CCDC201: variants seen among roughly 807,000 people sequenced by gnomAD.
CCDC201 encodes the protein coiled-coil domain-containing protein 201.
chr7:45,872,734 T>A (rs775440965), intron 1 of CCDC201, among the ~76,000 whole-genome samples: 30 of 152,226 alleles, frequency 2.0e-4, no homozygotes, highest in Admixed American at 3.3e-4. Context: ...CTGCAGGCCA[T>A]GTCGTGGGCA....
upstream of CCDC201, among the ~76,000 whole-genome samples, chr7:45,876,696 G>T (rs925402204): frequency 1.3e-5 from 2 of 152,230 alleles, no homozygotes; most frequent in Admixed American, 6.5e-5. Context: ...ATCAAAGTGT[G>T]TTTCCACACA....
intron 1 of CCDC201, among the ~76,000 whole-genome samples, chr7:45,868,474 A>G (rs1786703028): frequency 1.3e-5 from 2 of 152,178 alleles, no homozygotes; most frequent in South Asian, 2.1e-4. Context: ...TGTGAAGGTC[A>G]CCGATGGCCA....
chr7:45,872,567 C>A (rs928959086), intron 1 of CCDC201, among the ~76,000 whole-genome samples: 1 of 152,126 alleles, frequency 6.6e-6, no homozygotes, highest in Non-Finnish European at 1.5e-5. Context: ...GGAGGAGGAC[C>A]AATGCCCAGT....
exon 3 of CCDC201, chr7:45,860,691 CGTCTCCT>C (rs1786588284): frequency 6.6e-6 from 1 of 152,196 alleles, no homozygotes; most frequent in Admixed American, 6.5e-5. Context: ...AGTTTCTCAT[CGTCTCCT>C]GTCCCCAAGA....
At chr7:45,861,506 C>T (rs904098331) in exon 3 of CCDC201, 5 of 152,104 alleles carry the variant, frequency 3.3e-5, no homozygotes, top group Non-Finnish European at 5.9e-5. Flanking sequence ...TAACTGCAGC[C>T]GCTATATCTA....
chr7:45,866,906 A>G (rs1425614844), intron 1 of CCDC201, among the ~76,000 whole-genome samples: 14 of 152,190 alleles, frequency 9.2e-5, no homozygotes. Context: ...GTTGACAAAC[A>G]TTGTAGTATT....
At chr7:45,870,786 A>T (rs1786734780) in intron 1 of CCDC201, among the ~76,000 whole-genome samples, 1 of 152,212 alleles carries the variant, frequency 6.6e-6, no homozygotes, top group Non-Finnish European at 1.5e-5. Context: ...GGAACAAACC[A>T]ACAACAACAA....
upstream of CCDC201, among the ~76,000 whole-genome samples, chr7:45,874,064 T>G (rs1786772922): frequency 6.6e-6 from 1 of 151,954 alleles, no homozygotes; most frequent in South Asian, 2.1e-4. Context: ...GGACTACAGG[T>G]GCATGCCACC....
the CCDC201 span, among the ~76,000 whole-genome samples, chr7:45,881,107 CA>C: frequency 1.3e-5 from 2 of 152,142 alleles, no homozygotes; most frequent in South Asian, 4.1e-4. Flanking sequence ...TCCTGAAGCC[CA>C]TGCATGGTCC....
chr7:45,881,733 A>G, the CCDC201 span, among the ~76,000 whole-genome samples: 7 of 152,116 alleles, frequency 4.6e-5, no homozygotes, highest in African/African-American at 1.7e-4. Context: ...CTGAATGCAA[A>G]TGCTTCGGGA....
chr7:45,863,917 CG>C (rs941390763), intron 2 of CCDC201, among the ~76,000 whole-genome samples: 1 of 152,140 alleles, frequency 6.6e-6, no homozygotes, highest in Non-Finnish European at 1.5e-5. Flanking sequence ...CAGGAGCCAC[CG>C]GGAGGCGTCC....
At chr7:45,861,235 A>G (rs1321257707) in exon 3 of CCDC201, 1 of 152,168 alleles carries the variant, frequency 6.6e-6, no homozygotes. Context: ...AATTACTCTG[A>G]TGTATTTATC....
At chr7:45,862,470 C>T (rs918855418) in exon 3 of CCDC201, 1 of 152,212 alleles carries the variant, frequency 6.6e-6, no homozygotes, top group African/African-American at 2.4e-5. Flanking sequence ...TGGGCACTCC[C>T]CTCCTCTCAA....
At chr7:45,884,781 T>C in the CCDC201 span, among the ~76,000 whole-genome samples, 6 of 152,102 alleles carry the variant, frequency 3.9e-5, 1 homozygote, top group African/African-American at 1.4e-4. Flanking sequence ...ACCTCACTTA[T>C]CCTAAGGGTC....
At chr7:45,883,931 C>G in the CCDC201 span, among the ~76,000 whole-genome samples, 1 of 152,104 alleles carries the variant, frequency 6.6e-6, no homozygotes, top group African/African-American at 2.4e-5. Context: ...CGCCGGCTCC[C>G]TCCCTGGTGA....
At chr7:45,882,333 T>C in the CCDC201 span, among the ~76,000 whole-genome samples, 1 of 152,166 alleles carries the variant, frequency 6.6e-6, no homozygotes, top group African/African-American at 2.4e-5. Context: ...AGGATGACAA[T>C]AGCTCCTGTT....
chr7:45,877,892 C>G (rs2116532550), upstream of CCDC201, among the ~76,000 whole-genome samples: 1 of 152,290 alleles, frequency 6.6e-6, no homozygotes. Flanking sequence ...AGTCCAGGTC[C>G]AAAATCTCAT....
At chr7:45,869,656 T>C (rs1038167386) in intron 1 of CCDC201, among the ~76,000 whole-genome samples, 10 of 152,102 alleles carry the variant, frequency 6.6e-5, no homozygotes, top group Admixed American at 6.5e-4. Context: ...AGGATAGGAT[T>C]TACTCCACAG....
At chr7:45,866,076 G>T in exon 2 of CCDC201, 1 of 168,414 alleles carries the variant, frequency 5.9e-6, no homozygotes. Context: ...CTTCCTCCCT[G>T]TTGTGTTCAG....
Sources: gnomAD v4.1 joint callset for allele counts (sites outside exome capture counted in the v4.1 genomes callset) on GRCh38, gnomAD v4.1.1 for gene constraint, MANE v1.5 for transcripts, NCBI Gene and HGNC (gene_info 2026-07-23, HGNC 2026-07-21) for gene names.